Variants in RNF144B observed in about 807,000 individuals in gnomAD.
RNF144B encodes ring finger protein 144B, also known as E3 ubiquitin-protein ligase RNF144B.
Under a neutral mutation model 40.2 loss-of-function variants are expected in RNF144B, and 25 were observed. The ratio of observed to expected loss-of-function variants is 0.62; its 90% CI spans 0.45 to 0.87. RNF144B has a LOEUF of 0.87. RNF144B is among the 40% of genes least tolerant of loss of function. The pLI is 0.00. For synonymous variants in RNF144B, 145 were observed against 136.3 expected, an observed-to-expected ratio of 1.06 and a Z score of -0.44; for missense variants, 365 against 373.7, an observed-to-expected ratio of 0.98 and a Z score of 0.19.
intron 2 of RNF144B, among the ~76,000 whole-genome samples, chr6:18,408,797 T>C (rs965012849): frequency 1.3e-5 from 2 of 152,112 alleles, no homozygotes; most frequent in Non-Finnish European, 2.9e-5. Flanking sequence ...AGGCATGACT[T>C]TGGTGAGAGT....
rs150295328 is a variant in RNF144B at position 18,457,538 on chromosome 6, G to C, written c.536+179G>C. On this transcript the variant is annotated intron_variant, in intron 5 of 7. Transcript: ENST00000259939. This position sits in a 1 kb window ranked among gnomAD's most constrained non-coding sequence, Gnocchi z 5.1. ...TGCCAACAAAAAAGCATTTCTAGTT[G>C]TTTGCCCCAGAGGAATCTTCCAGAT... Among the ~76,000 whole-genome samples the C allele has an allele frequency of 2.2e-4, 33 of 152,270 alleles. No individual in the cohort carries two copies. The highest frequency in any genetic ancestry group is 7.9e-4 in the African/African-American group (33 of 41,570).
chr6:18,392,272 T>C (rs1461134289), intron 1 of RNF144B, among the ~76,000 whole-genome samples: 1 of 152,138 alleles, frequency 6.6e-6, no homozygotes, highest in African/African-American at 2.4e-5. Context: ...TATCACAACG[T>C]CATGTACATT....
At chr6:18,392,028 T>A in intron 1 of RNF144B, among the ~76,000 whole-genome samples, 1 of 104,176 alleles carries the variant, frequency 9.6e-6, no homozygotes. Context: ...TGAAACCCCA[T>A]CTCTACTAAA....
At chr6:18,394,960 T>G (rs1794665429) in intron 1 of RNF144B, among the ~76,000 whole-genome samples, 1 of 152,138 alleles carries the variant, frequency 6.6e-6, no homozygotes, top group Admixed American at 6.5e-5. Context: ...TGTTCTATGA[T>G]TAGGTATATA....
In RNF144B at chr6:18,425,197, C is replaced by T. The variant is rs1389792998; in HGVS notation, c.166-2384C>T. On this transcript the variant is annotated intron_variant, in intron 2 of 7. Coordinates refer to ENST00000259939, the MANE Select transcript of RNF144B (RefSeq NM_182757.4). This position sits in a 1 kb window ranked among gnomAD's most constrained non-coding sequence, Gnocchi z 4.2. Reference sequence around the variant, plus strand: ...CACCTAGTAAAGTGGACCCTCCACCCAGGTGTTAGGATCTGAAGTTCTTTG... The same window carrying T: ...CACCTAGTAAAGTGGACCCTCCACCTAGGTGTTAGGATCTGAAGTTCTTTG... Among the ~76,000 whole-genome samples the T allele has an allele frequency of 6.6e-6, 1 of 152,188 alleles. No homozygotes were observed. Among genetic ancestry groups the T allele is most frequent in the African/African-American group, 2.4e-5 (1 of 41,454 alleles).
At chr6:18,427,545 G>A (rs781226447) in intron 2 of RNF144B, 36 bp from the exon 3 acceptor site, 4 of 1,448,024 alleles carry the variant, frequency 2.8e-6, no homozygotes, top group Non-Finnish European at 3.9e-6. Flanking sequence ...CTACTGTAAT[G>A]GAATGGGCAA....
chr6:18,465,967 C>G lies in RNF144B; in HGVS notation c.*900C>G, dbSNP rs1344025151. ...AGATTTGGAATCAGGCCTAAGAGTA[C>G]ACATGGAGGGTAAATATTAAAGTGC... On this transcript the variant is annotated 3_prime_UTR_variant, in exon 8 of 8. Coordinates refer to ENST00000259939, the MANE Select transcript of RNF144B (RefSeq NM_182757.4). 6.6e-6 allele frequency: 1 copy of G among 152,174 alleles called. No homozygotes were observed. The highest frequency in any genetic ancestry group is 1.5e-5 in the Non-Finnish European group (1 of 68,042). 9.4% of individuals were successfully genotyped at this position (152,174 alleles called of 1,614,324 possible).
rs1024682360 is a variant in RNF144B, at chr6:18,414,995, T to C, written c.166-12586T>C. On this transcript the variant is annotated intron_variant, in intron 2 of 7. Coordinates refer to ENST00000259939, the MANE Select transcript of RNF144B (RefSeq NM_182757.4). This position sits in a 1 kb window ranked among gnomAD's most constrained non-coding sequence, Gnocchi z 4.9. Reference sequence around the variant, plus strand: ...CAAATTCATGAATGCTCAAGTCCCTTATATAGAATGGTGTAGTATTTGCAT... The same window carrying C: ...CAAATTCATGAATGCTCAAGTCCCTCATATAGAATGGTGTAGTATTTGCAT... 4.6e-5 allele frequency among the ~76,000 whole-genome samples: 7 copies of C among 152,306 alleles called. No individual in the cohort carries two copies. Among genetic ancestry groups the C allele is most frequent in the Admixed American group, 1.3e-4 (2 of 15,288 alleles).
chr6:18,455,364 T>A (rs1262735026), intron 4 of RNF144B, among the ~76,000 whole-genome samples: 4 of 152,194 alleles, frequency 2.6e-5, no homozygotes, highest in Non-Finnish European at 2.9e-5. Context: ...ACAAGATAGA[T>A]CCAATTATTT....
At position 18,416,596 on chromosome 6, in the gene RNF144B, C is replaced by T. The variant is rs1795153091; in HGVS notation, c.166-10985C>T. ...TATTGAATGACTGTCCTCAAACTTA[C>T]AAGGTGGATCTTAGTAATCTTTTCC... On this transcript the variant is annotated intron_variant, in intron 2 of 7. Coordinates refer to ENST00000259939, the MANE Select transcript of RNF144B (RefSeq NM_182757.4). This position sits in a 1 kb window ranked among gnomAD's most constrained non-coding sequence, Gnocchi z 5.5. Among the ~76,000 whole-genome samples, 1 of 152,210 alleles carries T rather than the reference C, an allele frequency of 6.6e-6. No individual in the cohort carries two copies. The highest frequency in any genetic ancestry group is 1.5e-5 in the Non-Finnish European group (1 of 68,032).
At chr6:18,424,912 A>G (rs773151322) in intron 2 of RNF144B, among the ~76,000 whole-genome samples, 5 of 152,222 alleles carry the variant, frequency 3.3e-5, no homozygotes, top group East Asian at 1.9e-4. Context: ...CAGAAGGTCA[A>G]AGGATTAACA....
Position 18,444,580 on chromosome 6 carries a change from T to C in RNF144B, c.331+4836T>C, listed in dbSNP as rs1004850183. ...CAAGTTGCTTCCGTTCCTTGCTAGG[T>C]TGATGTATCTGTTCTTGAATATTTA... On this transcript the variant is annotated intron_variant, in intron 4 of 7. Coordinates refer to ENST00000259939, the MANE Select transcript of RNF144B (RefSeq NM_182757.4). This position sits in a 1 kb window ranked among gnomAD's most constrained non-coding sequence, Gnocchi z 4.3. 5.9e-5 allele frequency among the ~76,000 whole-genome samples: 9 copies of C among 152,208 alleles called. No homozygotes were observed. Among genetic ancestry groups the C allele is most frequent in the Admixed American group, 1.3e-4 (2 of 15,280 alleles).
intron 4 of RNF144B, among the ~76,000 whole-genome samples, chr6:18,445,955 GAAAA>G (rs1759071789): frequency 6.6e-6 from 1 of 152,026 alleles, no homozygotes; most frequent in South Asian, 2.1e-4. Context: ...AAAAGGTGTT[GAAAA>G]AAATATCCTG....
Position 18,465,324 on chromosome 6 carries a change from TATC to T in RNF144B, c.*260_*262del, listed in dbSNP as rs1231008067. On this transcript the variant is annotated 3_prime_UTR_variant, in exon 8 of 8. Coordinates refer to ENST00000259939, the MANE Select transcript of RNF144B (RefSeq NM_182757.4). ...TGGGGTTCCTTGAGATGAATGAACATATCATTTTATCATCCAAAGGATCTCACT... is the reference window on the plus strand; with the variant it reads ...TGGGGTTCCTTGAGATGAATGAACATATTTTATCATCCAAAGGATCTCACT... 18 of 486,958 alleles carry T rather than the reference TATC, an allele frequency of 3.7e-5. No homozygotes were observed. The highest frequency in any genetic ancestry group is 6.2e-5 in the Non-Finnish European group (17 of 273,164). 30.2% of individuals were successfully genotyped at this position (486,958 alleles called of 1,614,324 possible).
At chr6:18,455,968 G>A (rs1443210947) in intron 4 of RNF144B, among the ~76,000 whole-genome samples, 1 of 151,982 alleles carries the variant, frequency 6.6e-6, no homozygotes, top group Non-Finnish European at 1.5e-5. Flanking sequence ...TGTTGCCCAG[G>A]CTGGAGTGCA....
chr6:18,414,713 G>A lies in RNF144B; in HGVS notation c.166-12868G>A, dbSNP rs1176525528. On this transcript the variant is annotated intron_variant, in intron 2 of 7. Transcript: ENST00000259939. The surrounding 1 kb of genome is among the most constrained non-coding windows in gnomAD (Gnocchi z 4.9). ...TAAAATATAGGATTTCTGCTTTTAAGCAGTATTAAAATCTGAGATTTGATG... is the reference window on the plus strand; with the variant it reads ...TAAAATATAGGATTTCTGCTTTTAAACAGTATTAAAATCTGAGATTTGATG... Among the ~76,000 whole-genome samples the A allele has an allele frequency of 6.6e-6, 1 of 152,092 alleles. No individual in the cohort carries two copies. The highest frequency in any genetic ancestry group is 2.4e-5 in the African/African-American group (1 of 41,402).
intron 2 of RNF144B, among the ~76,000 whole-genome samples, chr6:18,403,930 A>G (rs1388904898): frequency 6.6e-6 from 1 of 152,226 alleles, no homozygotes; most frequent in Non-Finnish European, 1.5e-5. Flanking sequence ...AGGAACTATT[A>G]AGAATTCATT....
Position 18,419,992 on chromosome 6 carries a change from C to A in RNF144B, c.166-7589C>A, listed in dbSNP as rs567360221. Among the ~76,000 whole-genome samples, 21 of 151,970 alleles carry A rather than the reference C, an allele frequency of 1.4e-4. No individual in the cohort carries two copies. The highest frequency in any genetic ancestry group is 2.8e-4 in the Non-Finnish European group (19 of 67,998). ...GGGAACCAGAAAAGCAGAGTTGGCT[C>A]CTATGTGTCAAGAAAAGAAGAACAG... On this transcript the variant is annotated intron_variant, in intron 2 of 7. Coordinates refer to ENST00000259939, the MANE Select transcript of RNF144B (RefSeq NM_182757.4). The surrounding 1 kb of genome is among the most constrained non-coding windows in gnomAD (Gnocchi z 4.6).
intron 3 of RNF144B, among the ~76,000 whole-genome samples, chr6:18,433,204 G>C (rs553725494): frequency 2.4e-4 from 37 of 152,228 alleles, no homozygotes; most frequent in African/African-American, 8.4e-4. Context: ...GAATGCCCAG[G>C]CAAGAGGCCA....
Sources: allele counts gnomAD v4.1 joint callset (sites outside exome capture counted in the v4.1 genomes callset), GRCh38; gene constraint gnomAD v4.1.1; non-coding constraint Gnocchi (gnomAD v3.1); transcripts MANE v1.5; gene names NCBI Gene and HGNC (gene_info 2026-07-23, HGNC 2026-07-21).